PRKN: variants seen among roughly 807,000 people sequenced by gnomAD.
The protein encoded by PRKN is parkin RBR E3 ubiquitin protein ligase, also known as E3 ubiquitin-protein ligase parkin.
Under a neutral mutation model 59.5 loss-of-function variants are expected in PRKN, and 56 were observed. That is an observed-to-expected ratio of 0.94 (90% CI 0.76 to 1.18). The LOEUF is 1.18. Ranked by LOEUF, PRKN falls within the 50% of genes most tolerant of loss-of-function variation. PRKN has a pLI of 0.00. For synonymous variants in PRKN, 250 were observed against 222.1 expected, an observed-to-expected ratio of 1.13 and a Z score of -1.12; for missense variants, 657 against 596.4, an observed-to-expected ratio of 1.10 and a Z score of -1.06.
chr6:162,075,126 T>G (rs1042509176), intron 4 of PRKN, among the ~76,000 whole-genome samples: 1 of 152,158 alleles, frequency 6.6e-6, no homozygotes. Flanking sequence ...TAGCTCAGAT[T>G]AGAGGCAGTT....
At chr6:161,855,888 A>G (rs1793630811) in intron 6 of PRKN, among the ~76,000 whole-genome samples, 1 of 152,264 alleles carries the variant, frequency 6.6e-6, no homozygotes. Context: ...TTAAAAAAGC[A>G]GAATCAAGCA....
At chr6:161,877,614 C>G (rs939877902) in intron 6 of PRKN, among the ~76,000 whole-genome samples, 9 of 151,778 alleles carry the variant, frequency 5.9e-5, no homozygotes, top group Non-Finnish European at 1.2e-4. Context: ...TGCCCGCCAC[C>G]AAGCCTGGCT....
intron 2 of PRKN, among the ~76,000 whole-genome samples, chr6:162,272,232 C>T (rs1218163247): frequency 6.6e-6 from 1 of 152,150 alleles, no homozygotes; most frequent in Non-Finnish European, 1.5e-5. Context: ...CGGGATTTCA[C>T]TTCTCTGGGT....
At position 161,393,877 on chromosome 6, in the gene PRKN, T is replaced by C. The variant is rs1294532980; in HGVS notation, c.1084-7000A>G. Among the ~76,000 whole-genome samples, 1 of 152,160 alleles carries C rather than the reference T, an allele frequency of 6.6e-6. No homozygotes were observed. Among genetic ancestry groups the C allele is most frequent in the Non-Finnish European group, 1.5e-5 (1 of 68,032 alleles). On this transcript the variant is annotated intron_variant, in intron 9 of 11. Transcript: ENST00000366898. The surrounding 1 kb of genome is among the most constrained non-coding windows in gnomAD (Gnocchi z 4.7). Reference sequence around the variant, plus strand: ...TCTGTGTTAAAAGAATAGGAGAGAATCAAATACCATCTTAGGACCCCTTAC... The same window carrying C: ...TCTGTGTTAAAAGAATAGGAGAGAACCAAATACCATCTTAGGACCCCTTAC...
chr6:161,659,598 G>C (rs781207274), intron 7 of PRKN, among the ~76,000 whole-genome samples: 1 of 152,146 alleles, frequency 6.6e-6, no homozygotes, highest in Non-Finnish European at 1.5e-5. Context: ...CACTGGGAAG[G>C]GGCTATGGGA....
chr6:162,103,701 A>AACGCCAGGGCAGTGGG (rs1447721887), intron 4 of PRKN, among the ~76,000 whole-genome samples: 1 of 152,144 alleles, frequency 6.6e-6, no homozygotes, highest in Non-Finnish European at 1.5e-5. Context: ...CACTCAGAGG[A>AACGCCAGGGCAGTGGG]ACGCCAGGGC....
intron 9 of PRKN, among the ~76,000 whole-genome samples, chr6:161,435,084 T>C (rs1409646708): frequency 6.6e-6 from 1 of 152,146 alleles, no homozygotes; most frequent in Non-Finnish European, 1.5e-5. Context: ...GTAACTAGGT[T>C]AATGTGAACA....
At chr6:161,874,057 T>C (rs1180232291) in intron 6 of PRKN, among the ~76,000 whole-genome samples, 1 of 36,276 alleles carries the variant, frequency 2.8e-5, no homozygotes, top group Non-Finnish European at 4.9e-5. Flanking sequence ...ATGTAAAATA[T>C]AATATATAAT....
chr6:162,637,925 A>G (rs911597674), intron 1 of PRKN, among the ~76,000 whole-genome samples: 23 of 152,146 alleles, frequency 1.5e-4, no homozygotes, highest in African/African-American at 5.3e-4. Context: ...TATGGCCCTA[A>G]AGCATTGAAC....
intron 2 of PRKN, among the ~76,000 whole-genome samples, chr6:162,364,477 A>G (rs1304600586): frequency 6.6e-6 from 1 of 152,208 alleles, no homozygotes; most frequent in East Asian, 1.9e-4. Flanking sequence ...AAATAAAAAC[A>G]TAAAATAAAT....
chr6:161,711,935 CT>C (rs1786766366), intron 7 of PRKN, among the ~76,000 whole-genome samples: 2 of 152,184 alleles, frequency 1.3e-5, no homozygotes, highest in Admixed American at 6.5e-5. Flanking sequence ...GGCTTTCCTA[CT>C]TTTGAGGTTT....
At chr6:162,638,903 C>A (rs1777856220) in intron 1 of PRKN, among the ~76,000 whole-genome samples, 1 of 151,944 alleles carries the variant, frequency 6.6e-6, no homozygotes, top group Non-Finnish European at 1.5e-5. Flanking sequence ...TGCCACCACA[C>A]CCAGCTAATT....
chr6:162,494,169 G>A (rs911396624), intron 1 of PRKN, among the ~76,000 whole-genome samples: 5 of 152,164 alleles, frequency 3.3e-5, no homozygotes, highest in African/African-American at 1.2e-4. Context: ...GAGGTTCTTA[G>A]GTGGGATCTG....
At chr6:161,741,631 G>C (rs1788188512) in intron 7 of PRKN, among the ~76,000 whole-genome samples, 1 of 152,088 alleles carries the variant, frequency 6.6e-6, no homozygotes, top group Non-Finnish European at 1.5e-5. Context: ...GATGAGGCCT[G>C]GGCAGTAAAC....
chr6:162,050,045 T>A (rs922990337), intron 5 of PRKN, among the ~76,000 whole-genome samples: 11 of 152,190 alleles, frequency 7.2e-5, no homozygotes, highest in Non-Finnish European at 1.2e-4. Context: ...AACTGCTTTA[T>A]CTTCCTGCGT....
rs1025490644 is a variant in PRKN, at chr6:162,647,366, C to T, written c.7+80296G>A. Among the ~76,000 whole-genome samples the T allele has an allele frequency of 3.3e-5, 5 of 152,112 alleles. No homozygotes were observed. In the South Asian group the frequency reaches 1.0e-3, roughly 32 times the overall value. On this transcript the variant is annotated intron_variant, in intron 1 of 11. Transcript: ENST00000366898. ...TTTTTGGAGAAAAAACATATTAGGTCAGATGTCATGGAGGGCTATTTTAGA... is the reference window on the plus strand; with the variant it reads ...TTTTTGGAGAAAAAACATATTAGGTTAGATGTCATGGAGGGCTATTTTAGA...
At chr6:162,306,326 C>T (rs1782224166) in intron 2 of PRKN, among the ~76,000 whole-genome samples, 1 of 152,108 alleles carries the variant, frequency 6.6e-6, no homozygotes, top group African/African-American at 2.4e-5. Context: ...TACCAGACAC[C>T]CCTCTCTGTG....
chr6:161,661,865 A>G (rs1351773606), intron 7 of PRKN, among the ~76,000 whole-genome samples: 1 of 152,134 alleles, frequency 6.6e-6, no homozygotes, highest in African/African-American at 2.4e-5. Context: ...TCTACTAAAA[A>G]TACAAAAATT....
intron 1 of PRKN, among the ~76,000 whole-genome samples, chr6:162,704,385 C>A (rs1778266376): frequency 6.6e-6 from 1 of 152,108 alleles, no homozygotes; most frequent in Non-Finnish European, 1.5e-5. Context: ...AGATTGAGCA[C>A]CAGGGATGAA....
Sources: allele counts gnomAD v4.1 joint callset (sites outside exome capture counted in the v4.1 genomes callset), GRCh38; gene constraint gnomAD v4.1.1; non-coding constraint Gnocchi (gnomAD v3.1); transcripts MANE v1.5; gene names NCBI Gene and HGNC (gene_info 2026-07-23, HGNC 2026-07-21).